The following GLUD1 variants were observed in gnomAD, a reference collection of about 807,000 sequenced individuals.
The protein encoded by GLUD1 is glutamate dehydrogenase 1, mitochondrial.
GLUD1 carries 22 observed loss-of-function variants against 56.0 expected under a neutral mutation model. The observed-to-expected ratio is 0.39, with a 90% CI of 0.28 to 0.56. The LOEUF (loss-of-function observed/expected upper bound fraction) is 0.56, where lower values mean the gene tolerates loss of function less well. Among genes scored for constraint, GLUD1 ranks in the 20% least tolerant of loss-of-function variants. The pLI, the probability that GLUD1 is intolerant of heterozygous loss-of-function variation, is 0.58. For missense variants in GLUD1, 451 were observed against 732.0 expected (o/e 0.62, Z 4.43); for synonymous variants, 223 against 269.9 (o/e 0.83, Z 1.70).
chr10:87,083,957 A>C (rs1459094960), intron 1 of GLUD1, among the ~76,000 whole-genome samples: 1 of 152,240 alleles, frequency 6.6e-6, no homozygotes, highest in Non-Finnish European at 1.5e-5. Context: ...TTTAACAAAG[A>C]GCAGGAGTCC....
intron 1 of GLUD1, chr10:87,089,782 T>C: frequency 4.3e-6 from 4 of 925,282 alleles, no homozygotes; most frequent in Non-Finnish European, 5.2e-6. Context: ...TGTATTAATT[T>C]CTGCCTCTGG....
chr10:87,060,599 G>T, intron 8 of GLUD1, 89 bp downstream of exon 8: 1 of 1,511,914 alleles, frequency 6.6e-7, no homozygotes, highest in Non-Finnish European at 9.2e-7. Context: ...CTGCTAAAAA[G>T]AAAGAGAAAA....
chr10:87,074,511 T>C, intron 4 of GLUD1, 40 bp downstream of exon 4: 1 of 1,200,118 alleles, frequency 8.3e-7, no homozygotes, highest in South Asian at 1.2e-5. Context: ...AATTTTTAGA[T>C]GTTCCCACTT....
At chr10:87,057,620 C>T (rs1845819018) in intron 11 of GLUD1, 71 bp downstream of exon 11, 1 of 842,398 alleles carries the variant, frequency 1.2e-6, no homozygotes, top group Non-Finnish European at 2.1e-6. Context: ...TGAAATCCAT[C>T]TAACCAGCTC....
chr10:87,092,841 T>C (rs1338664041), intron 1 of GLUD1, among the ~76,000 whole-genome samples: 3 of 152,250 alleles, frequency 2.0e-5, no homozygotes, highest in African/African-American at 4.8e-5. Flanking sequence ...CTGAACTTCC[T>C]CCAACATCCT....
intron 5 of GLUD1, among the ~76,000 whole-genome samples, chr10:87,065,386 C>T (rs1846049740): frequency 1.3e-5 from 2 of 151,860 alleles, no homozygotes; most frequent in South Asian, 2.1e-4. Flanking sequence ...GGATTACAGG[C>T]GTGAGCCACT....
At chr10:87,053,269 G>C in intron 12 of GLUD1, 73 bp downstream of exon 12, 1 of 939,486 alleles carries the variant, frequency 1.1e-6, no homozygotes, top group Non-Finnish European at 1.8e-6. Flanking sequence ...CATACAGTCT[G>C]GCGGCTGAGA....
chr10:87,076,962 G>C (rs1020109015), intron 1 of GLUD1, among the ~76,000 whole-genome samples: 1 of 152,034 alleles, frequency 6.6e-6, no homozygotes, highest in Non-Finnish European at 1.5e-5. Flanking sequence ...TTTTACCTTT[G>C]GTTTGGGTGA....
intron 1 of GLUD1, among the ~76,000 whole-genome samples, chr10:87,080,826 C>G (rs531895680): frequency 6.1e-4 from 92 of 151,676 alleles, no homozygotes; most frequent in African/African-American, 2.2e-3. Context: ...GCCCGGCAGC[C>G]GACCTGTCCG....
At chr10:87,052,156 A>G (rs551507882) in intron 12 of GLUD1, among the ~76,000 whole-genome samples, 12 of 152,146 alleles carry the variant, frequency 7.9e-5, no homozygotes, top group Admixed American at 5.2e-4. Context: ...TCAAGACCGG[A>G]CTTGCCAACA....
At position 87,065,136 on chromosome 10, in the gene GLUD1, C is replaced by CT. The variant is rs1434759121; in HGVS notation, c.742-2302_742-2301insA. ...TGAAACACCGTCTCTACTAAAAATA[C>CT]AAAAAAATTAGCTGGGCATGGTGGC... On this transcript the variant is annotated intron_variant, in intron 5 of 12. Coordinates refer to ENST00000277865, the MANE Select transcript of GLUD1 (RefSeq NM_005271.5). 2.0e-5 allele frequency among the ~76,000 whole-genome samples: 3 copies of CT among 151,876 alleles called. No individual in the cohort carries two copies. The East Asian group carries it at 5.8e-4, about 29-fold the overall frequency.
At chr10:87,061,717 A>T (rs1845938821) in intron 6 of GLUD1, among the ~76,000 whole-genome samples, 1 of 151,866 alleles carries the variant, frequency 6.6e-6, no homozygotes, top group Non-Finnish European at 1.5e-5. Context: ...CCCGGGTTCA[A>T]GTGAGTCTCC....
At chr10:87,065,666 G>C (rs1430213280) in intron 5 of GLUD1, among the ~76,000 whole-genome samples, 1 of 152,098 alleles carries the variant, frequency 6.6e-6, no homozygotes, top group African/African-American at 2.4e-5. Flanking sequence ...TATTTGAAGG[G>C]TCTATATCGT....
intron 3 of GLUD1, 44 bp downstream of exon 3, chr10:87,075,924 A>AAAG: frequency 7.5e-7 from 1 of 1,337,138 alleles, no homozygotes; most frequent in Non-Finnish European, 1.1e-6. Context: ...AGAAAAACAA[A>AAAG]AACAACAACA....
chr10:87,053,088 G>A (rs1845681438), intron 12 of GLUD1, among the ~76,000 whole-genome samples: 1 of 152,064 alleles, frequency 6.6e-6, no homozygotes, highest in African/African-American at 2.4e-5. Flanking sequence ...CTCCATACTG[G>A]GCTAGCTGCC....
intron 4 of GLUD1, among the ~76,000 whole-genome samples, chr10:87,071,546 A>G (rs1365367414): frequency 6.6e-6 from 1 of 152,204 alleles, no homozygotes; most frequent in Non-Finnish European, 1.5e-5. Flanking sequence ...TTTTTTAAAA[A>G]AGCAACTTTT....
intron 1 of GLUD1, among the ~76,000 whole-genome samples, chr10:87,082,988 C>G (rs144979758): frequency 0.024 from 3,719 of 152,268 alleles, 70 homozygotes; most frequent in South Asian, 0.096. Context: ...CGCCTATAAT[C>G]CCAGCACTTT....
At chr10:87,088,088 AAAAC>A (rs568875727) in intron 1 of GLUD1, among the ~76,000 whole-genome samples, 641 of 152,006 alleles carry the variant, frequency 4.2e-3, no homozygotes, top group Non-Finnish European at 5.0e-3. Context: ...TTTCAAAAAA[AAAAC>A]AAACAAAAAA....
intron 4 of GLUD1, among the ~76,000 whole-genome samples, chr10:87,068,897 T>A (rs1846146915): frequency 6.6e-6 from 1 of 151,138 alleles, no homozygotes; most frequent in Admixed American, 6.6e-5. Flanking sequence ...CACTCAAATC[T>A]GTAAAGGTGC....
Sources: allele counts gnomAD v4.1 joint callset (sites outside exome capture counted in the v4.1 genomes callset), GRCh38; gene constraint gnomAD v4.1.1; transcripts MANE v1.5; gene names NCBI Gene and HGNC (gene_info 2026-07-23, HGNC 2026-07-21).